Variants in MACF1 observed in about 807,000 individuals in gnomAD.
MACF1 encodes the protein microtubule actin crosslinking factor 1.
In MACF1, 193 loss-of-function variants were observed where a neutral mutation model predicts 854.8. That is an observed-to-expected ratio of 0.23 (90% CI 0.20 to 0.25). The LOEUF (loss-of-function observed/expected upper bound fraction) is 0.25. Ranked by LOEUF, MACF1 falls within the 10% of genes least tolerant of loss-of-function variation. MACF1 has a pLI of 1.00. For synonymous variants in MACF1, 3,185 were observed against 3,226.7 expected (o/e 0.99, Z 0.44); for missense variants, 7,722 against 8,929.1 (o/e 0.86, Z 5.45).
chr1:39,412,337 T>A (rs1348025402), intron 58 of MACF1: 1 of 1,613,920 alleles, frequency 6.2e-7, no homozygotes, highest in African/African-American at 1.3e-5. Flanking sequence ...AATGTAACTG[T>A]TAATCAAGAA....
chr1:39,441,401 C>A, intron 74 of MACF1, 76 bp downstream of exon 74: 1 of 1,193,154 alleles, frequency 8.4e-7, no homozygotes, highest in Non-Finnish European at 1.2e-6. Flanking sequence ...TGGAATTAAG[C>A]ACAAAAGTGG....
At chr1:39,097,123 C>T (rs2484127) in intron 2 of MACF1, among the ~76,000 whole-genome samples, 51,405 of 151,588 alleles carry the variant, frequency 0.34, 9,898 homozygotes, top group East Asian at 0.65. Flanking sequence ...GTGATCCACC[C>T]GCCTCAGCTT....
At chr1:39,242,316 C>T (rs1034800418) in intron 2 of MACF1, among the ~76,000 whole-genome samples, 7 of 150,826 alleles carry the variant, frequency 4.6e-5, no homozygotes, top group South Asian at 4.2e-4. Context: ...CACCACTGCA[C>T]GCCAGCCTGA....
chr1:39,435,416 C>A, intron 69 of MACF1, 142 bp from the exon 70 acceptor site: 1 of 673,134 alleles, frequency 1.5e-6, no homozygotes. Context: ...TGTTCCCACA[C>A]AAATGGTGAG....
chr1:39,202,125 C>T (rs1328675311), upstream of MACF1, among the ~76,000 whole-genome samples: 1 of 150,316 alleles, frequency 6.7e-6, no homozygotes, highest in East Asian at 2.0e-4. Context: ...CATCACCACG[C>T]CCAGCTAAGT....
chr1:39,346,068 G>T (rs1261322096), intron 40 of MACF1, among the ~76,000 whole-genome samples: 1 of 121,434 alleles, frequency 8.2e-6, no homozygotes. Context: ...GACTCTGTTT[G>T]AAAAAAAAAA....
rs970935979 is a variant in MACF1, at chr1:39,251,854, A to T, written c.270A>T (p.Ala90=). 1 of 1,450,856 alleles carries T rather than the reference A, an allele frequency of 6.9e-7. No homozygotes were observed. The highest frequency in any genetic ancestry group is 2.4e-5 in the Admixed American group (1 of 42,040). 89.9% of individuals were successfully genotyped at this position (1,450,856 alleles called of 1,614,324 possible). Residue 90 remains alanine, a synonymous_variant, in exon 4 of 101, where the codon GCA becomes GCT. Transcript: ENST00000564288. ...TTGGTTGGTGGCCAAAGGAGCCAGC[A>T]GGGCTGAAGACCCTCCGTCTGGTGA... The part of the protein sequence containing the change: ...EVLSGIKLEP[A]GLKTLRLVSM...
At chr1:39,201,343 C>T (rs1644387777), upstream of MACF1, among the ~76,000 whole-genome samples, 2 of 151,958 alleles carry the variant, frequency 1.3e-5, no homozygotes, top group South Asian at 4.2e-4. Context: ...AGTATGATCT[C>T]AACATAGGAA....
In MACF1 at chr1:39,472,083, G is replaced by A. The variant is rs1275357590; in HGVS notation, c.21958+2468G>A. Among the ~76,000 whole-genome samples the A allele has an allele frequency of 2.0e-5, 3 of 152,108 alleles. No individual in the cohort carries two copies. The East Asian group carries it at 5.8e-4, about 29-fold the overall frequency. ...TTGGTGGTCAATGAACTGAACTTGA[G>A]GTGGCTGCCGTCATGTCTGGTTCTG... On this transcript the variant is annotated intron_variant, in intron 97 of 100. Coordinates refer to ENST00000564288, the MANE Select transcript of MACF1 (RefSeq NM_001394062.1).
chr1:39,124,131 C>T (rs913093539), intron 2 of MACF1, among the ~76,000 whole-genome samples: 4 of 151,576 alleles, frequency 2.6e-5, no homozygotes, highest in Admixed American at 6.6e-5. Context: ...AGTGATCCGC[C>T]CACCTTGGCC....
chr1:39,085,824 C>A (rs1252749179), intron 2 of MACF1, among the ~76,000 whole-genome samples: 2 of 152,204 alleles, frequency 1.3e-5, no homozygotes, highest in Admixed American at 1.3e-4. Context: ...CCTCTACCCC[C>A]AATCACCCTG....
At chr1:39,440,206 G>A (rs114364340) in intron 72 of MACF1, among the ~76,000 whole-genome samples, 5,230 of 142,744 alleles carry the variant, frequency 0.037, 293 homozygotes, top group African/African-American at 0.13. Context: ...TCCACCTCCC[G>A]GGCTCAAGCA....
At chr1:39,235,834 A>G (rs188053994) in intron 2 of MACF1, among the ~76,000 whole-genome samples, 1 of 152,322 alleles carries the variant, frequency 6.6e-6, no homozygotes, top group Admixed American at 6.5e-5. Context: ...TCCCGGGCTC[A>G]AGTGATCCTC....
Position 39,350,885 on chromosome 1 carries a change from G to T in MACF1, c.11066G>T (p.Arg3689Leu), listed in dbSNP as rs770997421. Residue 3689 changes from arginine (R) to leucine (L), a missense_variant, in exon 43 of 101, where the codon CGT becomes CTT. Coordinates refer to ENST00000564288, the MANE Select transcript of MACF1 (RefSeq NM_001394062.1). ...GAGAATCAGACCAAGCTGAGCCCAC[G>T]TGAGTTGACAGCTCTTCGGGAAAAG... ...MEENQTKLSP[R>L]ELTALREKLH... The T allele has an allele frequency of 8.7e-5, 141 of 1,613,990 alleles. No individual in the cohort carries two copies. The highest frequency in any genetic ancestry group is 1.2e-4 in the Non-Finnish European group (139 of 1,180,004).
chr1:39,213,171 G>A (rs955613897), intron 1 of MACF1, among the ~76,000 whole-genome samples: 7 of 152,058 alleles, frequency 4.6e-5, no homozygotes, highest in African/African-American at 1.7e-4. Flanking sequence ...GAGAATTGTT[G>A]GGATTAAATG....
At position 39,368,169 on chromosome 1, in the gene MACF1, G is replaced by T. The variant is rs1188333266; in HGVS notation, c.12793G>T (p.Asp4265Tyr). The change falls in exon 50 of 101, where the codon GAC becomes TAC. Residue 4265 changes from aspartate to tyrosine, a missense_variant. By Grantham distance (160) the Asp-to-Tyr change is radical (BLOSUM62 -3). This residue lies in a region of MACF1 where 2,807 missense variants were observed against 3,235.8 expected (regional missense o/e 0.87). Transcript: ENST00000564288. ...QIQELNLEMEDQQENLDTLEH... is the reference protein window; with the variant it reads ...QIQELNLEMEYQQENLDTLEH... ...ACAGGAGCTCAATTTGGAAATGGAA[G>T]ACCAACAGGAGAACCTAGATACTCT... 1.2e-6 allele frequency: 2 copies of T among 1,613,858 alleles called. No individual in the cohort carries two copies. The highest frequency in any genetic ancestry group is 1.1e-5 in the South Asian group (1 of 91,058).
chr1:39,350,485 A>G (rs540991026), intron 42 of MACF1, among the ~76,000 whole-genome samples: 22 of 152,316 alleles, frequency 1.4e-4, no homozygotes, highest in Admixed American at 3.9e-4. Context: ...CTCTGCTAAG[A>G]TCATGTTGTC....
rs182883776 is a variant in MACF1 at position 39,265,698 on chromosome 1, T to C, written c.528+7670T>C. On this transcript the variant is annotated intron_variant, in intron 6 of 100. Transcript: ENST00000564288. ...TGAGTACTTGAAGTACAGTTTCTAC[T>C]GAATGCATATGGATTTCTCACCACT... 2.0e-5 allele frequency among the ~76,000 whole-genome samples: 3 copies of C among 152,330 alleles called. No homozygotes were observed. In the East Asian group the frequency reaches 5.8e-4, roughly 29 times the overall value.
At chr1:39,434,665 C>A (rs149615702) in intron 69 of MACF1, 33 bp downstream of exon 69, 5 of 1,570,824 alleles carry the variant, frequency 3.2e-6, no homozygotes, top group Middle Eastern at 1.7e-4. Flanking sequence ...TTTTATTGTT[C>A]TAAAATGGTC....
Sources: allele counts gnomAD v4.1 joint callset (sites outside exome capture counted in the v4.1 genomes callset), GRCh38; gene constraint gnomAD v4.1.1; regional missense constraint gnomAD v4.1.1; transcripts MANE v1.5; gene names NCBI Gene and HGNC (gene_info 2026-07-23, HGNC 2026-07-21).